FHOD3: variants seen among roughly 807,000 people sequenced by gnomAD.
FHOD3 encodes FH1/FH2 domain-containing protein 3.
A neutral mutation model predicts 173.0 loss-of-function variants in FHOD3; 90 were observed. That is an observed-to-expected ratio of 0.52 (90% confidence interval 0.44 to 0.62). The LOEUF (loss-of-function observed/expected upper bound fraction) is 0.62. FHOD3 is among the 20% of genes least tolerant of loss of function. The pLI, the probability that FHOD3 is intolerant of heterozygous loss-of-function variation, is 0.00. For synonymous variants in FHOD3, 828 were observed against 823.0 expected (o/e 1.01, Z -0.10); for missense variants, 1,945 against 2,034.7 (o/e 0.96, Z 0.85).
intron 5 of FHOD3, among the ~76,000 whole-genome samples, chr18:36,556,425 A>G (rs370645003): frequency 5.3e-5 from 8 of 152,282 alleles, no homozygotes; most frequent in East Asian, 1.9e-4. Context: ...AGCAGACCCA[A>G]CTATGGAACT....
intron 1 of FHOD3, among the ~76,000 whole-genome samples, chr18:36,298,828 G>A (rs1466683275): frequency 6.6e-6 from 1 of 151,968 alleles, no homozygotes; most frequent in Non-Finnish European, 1.5e-5. Context: ...CTCTTGCAAA[G>A]CATTTGTTGC....
intron 3 of FHOD3, among the ~76,000 whole-genome samples, chr18:36,482,259 G>A (rs999422024): frequency 6.6e-6 from 1 of 152,160 alleles, no homozygotes; most frequent in African/African-American, 2.4e-5. Flanking sequence ...CAGCACATAA[G>A]GTAAATCAGT....
chr18:36,718,052 C>G lies in FHOD3; in HGVS notation c.2754C>G (p.Thr918=), dbSNP rs1306851045. ...CCACCCTGCAGGCCAACTCTCAGAC[C>G]CAGGATGAGAGTGTCAGGAGGGTGG... The part of the protein sequence containing the change: ...RISTLQANSQ[T]QDESVRRVDV... The change falls in exon 19 of 29, where the codon ACC becomes ACG. Residue 918 remains threonine (T), a synonymous_variant. Coordinates refer to ENST00000590592, the MANE Select transcript of FHOD3 (RefSeq NM_001281740.3). 3.1e-6 allele frequency: 5 copies of G among 1,600,834 alleles called. No homozygotes were observed.
intron 5 of FHOD3, among the ~76,000 whole-genome samples, chr18:36,562,715 G>A (rs113121310): frequency 1.2e-3 from 177 of 152,272 alleles, no homozygotes; most frequent in African/African-American, 3.9e-3. Context: ...TGAGCCTGCT[G>A]GGGAGAGCCA....
intron 3 of FHOD3, among the ~76,000 whole-genome samples, chr18:36,401,462 C>G (rs1464580384): frequency 5.3e-5 from 8 of 152,158 alleles, no homozygotes; most frequent in Admixed American, 5.2e-4. Flanking sequence ...ACTAAGACAG[C>G]CTGTCATTGG....
At chr18:36,329,133 A>G (rs866720080) in intron 1 of FHOD3, among the ~76,000 whole-genome samples, 47 of 152,228 alleles carry the variant, frequency 3.1e-4, no homozygotes, top group African/African-American at 1.0e-3. Context: ...CCTAAAAACC[A>G]CTTCCGTTGC....
intron 2 of FHOD3, among the ~76,000 whole-genome samples, chr18:36,367,902 C>T (rs1243113519): frequency 6.6e-6 from 1 of 151,492 alleles, no homozygotes; most frequent in East Asian, 1.9e-4. Context: ...TTGGCAGTCA[C>T]CCCCCCATCC....
intron 19 of FHOD3, among the ~76,000 whole-genome samples, chr18:36,724,210 T>A (rs928811341): frequency 2.6e-5 from 4 of 152,270 alleles, no homozygotes; most frequent in African/African-American, 9.6e-5. Context: ...TCACCAAGGA[T>A]CCACCTGGGT....
At chr18:36,395,366 A>G (rs68125476) in intron 3 of FHOD3, among the ~76,000 whole-genome samples, 21,290 of 151,888 alleles carry the variant, frequency 0.14, 1,933 homozygotes, top group Middle Eastern at 0.33. Flanking sequence ...TAGCCATTGT[A>G]AACTATACTC....
chr18:36,625,670 A>T lies in FHOD3; in HGVS notation c.1117A>T (p.Thr373Ser), dbSNP rs759447091. ...RRHSVQSIKSTLSAPTSPCSQ... is the reference protein window; with the variant it reads ...RRHSVQSIKSSLSAPTSPCSQ... The stretch of plus-strand genomic sequence containing the variant: ...GCACTCGGTGCAGAGCATCAAGAGC[A>T]CCCTGTCGGCCCCCACCAGTCCCTG... Residue 373 changes from threonine to serine, a missense_variant, in exon 10 of 29, where the codon ACC becomes TCC. This residue lies in a region of FHOD3 where 1,099 missense variants were observed against 1,051.2 expected (regional missense o/e 1.05). Transcript: ENST00000590592. 1 of 1,612,336 alleles carries T rather than the reference A, an allele frequency of 6.2e-7. No homozygotes were observed. The highest frequency in any genetic ancestry group is 1.7e-5 in the Admixed American group (1 of 59,874).
rs188816816 is a variant in FHOD3, at chr18:36,670,868, A to T, written c.1836-10568A>T. Among the ~76,000 whole-genome samples the T allele has an allele frequency of 3.2e-3, 490 of 152,334 alleles. 2 individuals carry two copies. Among genetic ancestry groups the T allele is most frequent in the Non-Finnish European group, 4.0e-3 (273 of 68,016 alleles). ...GTTTGATCCTTGCAGGTCTTGCATA[A>T]TTAGCTTTGTTAGGCAGGACCAGAG... On this transcript the variant is annotated intron_variant, in intron 14 of 28. Transcript: ENST00000590592.
intron 20 of FHOD3, among the ~76,000 whole-genome samples, chr18:36,739,697 TAG>T (rs1230709317): frequency 3.9e-5 from 6 of 152,348 alleles, no homozygotes; most frequent in African/African-American, 1.2e-4. Context: ...CAGGATTTGT[TAG>T]AGTTATACCT....
At chr18:36,551,088 T>C (rs990583023) in intron 5 of FHOD3, among the ~76,000 whole-genome samples, 4 of 152,218 alleles carry the variant, frequency 2.6e-5, no homozygotes, top group African/African-American at 9.6e-5. Flanking sequence ...GGAAGTTTCC[T>C]TTTATTTCTT....
chr18:36,535,648 T>C (rs1175499034), intron 5 of FHOD3, among the ~76,000 whole-genome samples: 1 of 152,202 alleles, frequency 6.6e-6, no homozygotes, highest in East Asian at 1.9e-4. Flanking sequence ...TGTAGGCACA[T>C]TGAGTGCTGG....
chr18:36,546,784 C>T (rs2057425976), intron 5 of FHOD3, among the ~76,000 whole-genome samples: 1 of 152,164 alleles, frequency 6.6e-6, no homozygotes, highest in Admixed American at 6.5e-5. Context: ...GGGGACACAG[C>T]GTAGGCAGCG....
At chr18:36,544,176 G>A (rs1182677847) in intron 5 of FHOD3, among the ~76,000 whole-genome samples, 2 of 152,172 alleles carry the variant, frequency 1.3e-5, no homozygotes, top group African/African-American at 4.8e-5. Flanking sequence ...GGTTAGAAAC[G>A]AAGGCAGGGC....
At position 36,568,294 on chromosome 18, in the gene FHOD3, CACCAGCCTGGGCGACAGA is replaced by C. The variant is rs374057149; in HGVS notation, c.512-8156_512-8139del. ...CAGAGTTTGCAGCGAACTGAGATGG[CACCAGCCTGGGCGACAGA>C]GCAGACTCTGTCTCAAAAAAAAAAA... is the stretch of plus-strand genomic sequence containing the variant. On this transcript the variant is annotated intron_variant, in intron 5 of 28. Coordinates refer to ENST00000590592, the MANE Select transcript of FHOD3 (RefSeq NM_001281740.3). Among the ~76,000 whole-genome samples, 883 of 113,760 alleles carry C rather than the reference CACCAGCCTGGGCGACAGA, an allele frequency of 7.8e-3. 22 individuals carry two copies. Among genetic ancestry groups the C allele is most frequent in the African/African-American group, 0.029 (828 of 28,646 alleles). 74.6% of individuals were successfully genotyped at this position (113,760 alleles called of 152,430 possible). A position where few individuals can be genotyped will look rare whatever the true frequency, so the allele number is the denominator to read the frequency against.
chr18:36,439,520 AATGTGTGT>A (rs1568273312), intron 3 of FHOD3, among the ~76,000 whole-genome samples: 1 of 73,402 alleles, frequency 1.4e-5, no homozygotes, highest in African/African-American at 4.9e-5. Flanking sequence ...AAACCAATAG[AATGTGTGT>A]GTGTGTGTGT....
At chr18:36,562,240 C>T (rs951403936) in intron 5 of FHOD3, among the ~76,000 whole-genome samples, 4 of 152,132 alleles carry the variant, frequency 2.6e-5, no homozygotes, top group African/African-American at 9.7e-5. Context: ...TGGTCTTGAA[C>T]TCCTGACCTC....
Sources: gnomAD v4.1 joint callset for allele counts (sites outside exome capture counted in the v4.1 genomes callset) on GRCh38, gnomAD v4.1.1 for gene constraint, gnomAD v4.1.1 regional missense constraint, MANE v1.5 for transcripts, NCBI Gene and HGNC (gene_info 2026-07-23, HGNC 2026-07-21) for gene names.